Variants in PCLO observed in about 807,000 individuals in gnomAD.
PCLO encodes the protein piccolo presynaptic cytomatrix protein, also known as protein piccolo.
A neutral mutation model predicts 427.5 loss-of-function variants in PCLO; 82 were observed. The ratio of observed to expected loss-of-function variants is 0.19; its 90% CI spans 0.16 to 0.23. The LOEUF (loss-of-function observed/expected upper bound fraction) is 0.23. Ranked by LOEUF, PCLO falls within the 10% of genes least tolerant of loss-of-function variation. PCLO has a pLI of 1.00. For missense variants in PCLO, 6,239 were observed against 6,115.9 expected (o/e 1.02, Z -0.67); for synonymous variants, 2,357 against 2,155.4 (o/e 1.09, Z -2.59).
In PCLO at chr7:82,999,696, T is replaced by C. The variant is rs1253872810; in HGVS notation, c.3301-33209A>G. ...AATATATTATATATAAAATAATATA[T>C]AATATTAAATATAAAATATAATATA... On this transcript the variant is annotated intron_variant, in intron 3 of 24. Transcript: ENST00000333891. 3.2e-5 allele frequency among the ~76,000 whole-genome samples: 2 copies of C among 62,118 alleles called. 1 individual carries two copies. 40.8% of individuals were successfully genotyped at this position (62,118 alleles called of 152,430 possible). A position where few individuals can be genotyped will look rare whatever the true frequency, so the allele number is the denominator to read the frequency against.
chr7:83,040,247 T>C (rs1213477951), intron 3 of PCLO, among the ~76,000 whole-genome samples: 2 of 152,270 alleles, frequency 1.3e-5, no homozygotes, highest in South Asian at 2.1e-4. Flanking sequence ...TGGCTGGTTA[T>C]GTTATTTTAG....
rs763715150 is a variant in PCLO at position 83,135,545 on chromosome 7, T to C, written c.2005A>G (p.Thr669Ala). 1.9e-6 allele frequency: 3 copies of C among 1,613,674 alleles called. No homozygotes were observed. Among genetic ancestry groups the C allele is most frequent in the South Asian group, 2.2e-5 (2 of 91,064 alleles). Residue 669 changes from threonine (T) to alanine (A), a missense_variant, in exon 3 of 25, where the codon ACA becomes GCA. Thr to Ala is a moderately conservative substitution (Grantham distance 58). This residue lies in a region of PCLO where 4,677 missense variants were observed against 4,468.4 expected (regional missense o/e 1.05). Coordinates refer to ENST00000333891, the MANE Select transcript of PCLO (RefSeq NM_033026.6). ...GGGGATGATTTGCTCACTGCTGATG[T>C]AGTGGTAACAGGTGCAGTCTTCAGT... is the stretch of plus-strand genomic sequence containing the variant. ...PKLKTAPVTT[T>A]SAVSKSSPQP...
intron 22 of PCLO, among the ~76,000 whole-genome samples, chr7:82,780,723 A>C (rs1031921224): frequency 6.6e-6 from 1 of 152,210 alleles, no homozygotes; most frequent in Non-Finnish European, 1.5e-5. Flanking sequence ...ACTACAAATA[A>C]GTGGTTACTA....
At chr7:83,013,353 G>A (rs1282456160) in intron 3 of PCLO, among the ~76,000 whole-genome samples, 1 of 152,096 alleles carries the variant, frequency 6.6e-6, no homozygotes, top group Non-Finnish European at 1.5e-5. Context: ...GATACCTTAT[G>A]AATTATATAT....
chr7:83,087,414 T>C (rs1307773049), intron 3 of PCLO, among the ~76,000 whole-genome samples: 2 of 151,772 alleles, frequency 1.3e-5, no homozygotes, highest in African/African-American at 4.8e-5. Flanking sequence ...ATGCAATTCA[T>C]CTGTGTAACC....
chr7:83,027,758 A>G (rs1425888506), intron 3 of PCLO, among the ~76,000 whole-genome samples: 44 of 116,196 alleles, frequency 3.8e-4, no homozygotes, highest in African/African-American at 1.3e-3. Flanking sequence ...CTTATCCACC[A>G]TGATCAAGTG....
chr7:83,069,345 T>G (rs1163827161), intron 3 of PCLO, among the ~76,000 whole-genome samples: 1 of 152,142 alleles, frequency 6.6e-6, no homozygotes, highest in African/African-American at 2.4e-5. Flanking sequence ...AATCCACTCA[T>G]AAGTGAACCC....
intron 3 of PCLO, among the ~76,000 whole-genome samples, chr7:83,005,448 T>C (rs901217866): frequency 4.0e-5 from 6 of 151,556 alleles, no homozygotes; most frequent in African/African-American, 1.5e-4. Context: ...GGTCAAAGGG[T>C]AAAACGTTTT....
chr7:82,800,844 C>T (rs1294386921), intron 22 of PCLO, among the ~76,000 whole-genome samples: 1 of 151,976 alleles, frequency 6.6e-6, no homozygotes, highest in African/African-American at 2.4e-5. Context: ...CTCGGCCTCC[C>T]AAAGTGCTGG....
At chr7:82,991,158 T>A (rs1010789129) in intron 3 of PCLO, among the ~76,000 whole-genome samples, 10 of 152,178 alleles carry the variant, frequency 6.6e-5, no homozygotes, top group Admixed American at 6.6e-5. Context: ...GTGGCCTTTT[T>A]GCCCAGCTAA....
intron 22 of PCLO, among the ~76,000 whole-genome samples, chr7:82,795,836 C>T (rs1219749039): frequency 2.0e-5 from 3 of 152,068 alleles, no homozygotes; most frequent in Non-Finnish European, 4.4e-5. Context: ...TACATCTATA[C>T]TAAGAAAATA....
Position 83,155,641 on chromosome 7 carries a change from G to C in PCLO, c.1000C>G (p.Gln334Glu). Residue 334 changes from glutamine to glutamate, a missense_variant, in exon 2 of 25, where the codon CAG (glutamine) becomes GAG (glutamate). By Grantham distance (29) the Gln-to-Glu change is conservative. Transcript: ENST00000333891. ...AATGGCTTTGTTAGCCCTGAGGGCT[G>C]AGCTGGGGGCTTTGCAGGCCCAGGC... is the stretch of plus-strand genomic sequence containing the variant. The part of the protein sequence containing the change: ...SQPGPAKPPA[Q>E]PSGLTKPLAQ... 2 of 1,613,914 alleles carry C rather than the reference G, an allele frequency of 1.2e-6. No homozygotes were observed. The highest frequency in any genetic ancestry group is 1.7e-6 in the Non-Finnish European group (2 of 1,179,878).
chr7:82,965,801 A>G lies in PCLO; in HGVS notation c.3987T>C (p.Pro1329=). The G allele has an allele frequency of 6.2e-7, 1 of 1,607,090 alleles. No homozygotes were observed. The change falls in exon 4 of 25, where the codon CCT becomes CCC. Residue 1329 remains proline, a synonymous_variant. Transcript: ENST00000333891. ...TTTCTTTCCCAGGTTCCACCTGATC[A>G]GGTTTTGCTGTGCATGGTGGCTGTG... ...EQPQPPCTAK[P]DQVEPGKEKT...
At chr7:83,130,248 T>TA (rs1211749504) in intron 3 of PCLO, among the ~76,000 whole-genome samples, 1 of 152,130 alleles carries the variant, frequency 6.6e-6, no homozygotes. Context: ...AGGGAAAACT[T>TA]AGTTCACTGC....
intron 22 of PCLO, among the ~76,000 whole-genome samples, chr7:82,783,509 C>G (rs1790919377): frequency 6.6e-6 from 1 of 152,042 alleles, no homozygotes; most frequent in Non-Finnish European, 1.5e-5. Flanking sequence ...GTAGTGCCAG[C>G]TACTCAGGAG....
At chr7:83,059,357 A>AATATATATATATATATATATATATATAT (rs752009069) in intron 3 of PCLO, among the ~76,000 whole-genome samples, 3 of 111,808 alleles carry the variant, frequency 2.7e-5, no homozygotes, top group Non-Finnish European at 5.2e-5. Context: ...ACACCTTTAA[A>AATATATATATATATATATATATATATAT]ATATATATAT....
chr7:83,075,541 T>C (rs1279412390), intron 3 of PCLO, among the ~76,000 whole-genome samples: 1 of 152,176 alleles, frequency 6.6e-6, no homozygotes, highest in Non-Finnish European at 1.5e-5. Flanking sequence ...TGACAAGTGT[T>C]GTTTCTGTCC....
intron 3 of PCLO, among the ~76,000 whole-genome samples, chr7:83,091,202 C>CA (rs886972652): frequency 2.0e-5 from 3 of 151,086 alleles, no homozygotes; most frequent in Admixed American, 6.6e-5. Flanking sequence ...TGAAGGAATT[C>CA]AAAAAAAAGA....
chr7:82,940,519 C>T (rs981133027), intron 6 of PCLO, among the ~76,000 whole-genome samples: 1 of 152,002 alleles, frequency 6.6e-6, no homozygotes, highest in African/African-American at 2.4e-5. Flanking sequence ...GTGTTTTTCA[C>T]ACATTTATAT....
Sources: allele counts gnomAD v4.1 joint callset (sites outside exome capture counted in the v4.1 genomes callset), GRCh38; gene constraint gnomAD v4.1.1; regional missense constraint gnomAD v4.1.1; transcripts MANE v1.5; gene names NCBI Gene and HGNC (gene_info 2026-07-23, HGNC 2026-07-21).